The following SGCZ variants were observed in gnomAD, a reference collection of about 807,000 sequenced individuals.
SGCZ encodes the protein sarcoglycan zeta, also known as zeta-sarcoglycan.
Under a neutral mutation model 41.3 loss-of-function variants are expected in SGCZ, and 40 were observed. The ratio of observed to expected loss-of-function variants is 0.97; its 90% CI spans 0.75 to 1.26. The LOEUF (loss-of-function observed/expected upper bound fraction) is 1.26, where lower values mean the gene tolerates loss of function less well. SGCZ is among the 50% of genes most tolerant of loss of function. The pLI is 0.00. For missense variants in SGCZ, 552 were observed against 369.8 expected (o/e 1.49, Z -4.04); for synonymous variants, 206 against 137.5 (o/e 1.50, Z -3.49).
intron 1 of SGCZ, among the ~76,000 whole-genome samples, chr8:14,896,220 G>A (rs1805193792): frequency 1.3e-5 from 2 of 152,082 alleles, no homozygotes; most frequent in African/African-American, 4.8e-5. Flanking sequence ...TCTCATCCGG[G>A]AAAGCTGACT....
chr8:14,190,378 T>C (rs977860591), intron 4 of SGCZ, among the ~76,000 whole-genome samples: 7 of 151,852 alleles, frequency 4.6e-5, no homozygotes, highest in Non-Finnish European at 1.0e-4. Flanking sequence ...TGTGTGTGTG[T>C]GTGTATATAT....
At chr8:14,223,611 G>C (rs1332437779) in intron 4 of SGCZ, among the ~76,000 whole-genome samples, 1 of 152,028 alleles carries the variant, frequency 6.6e-6, no homozygotes, top group Non-Finnish European at 1.5e-5. Flanking sequence ...TCAATGTCCT[G>C]TCAGTTATTT....
At chr8:15,126,592 G>T (rs185035919) in intron 1 of SGCZ, among the ~76,000 whole-genome samples, 3 of 152,264 alleles carry the variant, frequency 2.0e-5, no homozygotes, top group South Asian at 2.1e-4. Flanking sequence ...TAAATACAAG[G>T]TCTAGCAAGG....
At chr8:15,137,289 A>T (rs957461394) in intron 1 of SGCZ, among the ~76,000 whole-genome samples, 9 of 152,166 alleles carry the variant, frequency 5.9e-5, no homozygotes, top group African/African-American at 1.9e-4. Flanking sequence ...AAGATTTAAG[A>T]GGAAGCAGAG....
chr8:14,542,692 A>G (rs1038426802), intron 2 of SGCZ, among the ~76,000 whole-genome samples: 1 of 152,034 alleles, frequency 6.6e-6, no homozygotes, highest in African/African-American at 2.4e-5. Flanking sequence ...ACTTCTCTCC[A>G]TTAATTAGGA....
intron 1 of SGCZ, among the ~76,000 whole-genome samples, chr8:14,916,994 G>C (rs1799457421): frequency 6.6e-6 from 1 of 152,086 alleles, no homozygotes; most frequent in Admixed American, 6.6e-5. Context: ...ATATGACTTT[G>C]TATAAAGTAA....
chr8:15,199,959 T>C (rs973604862), intron 1 of SGCZ, among the ~76,000 whole-genome samples: 3 of 152,174 alleles, frequency 2.0e-5, no homozygotes, highest in South Asian at 2.1e-4. Flanking sequence ...GTAGGATTCA[T>C]AGGGAAGAAT....
At chr8:14,106,731 A>G (rs1309194295) in intron 6 of SGCZ, among the ~76,000 whole-genome samples, 2 of 152,224 alleles carry the variant, frequency 1.3e-5, no homozygotes, top group Non-Finnish European at 2.9e-5. Flanking sequence ...GCTTCCCAAG[A>G]CACCAACTGT....
intron 5 of SGCZ, among the ~76,000 whole-genome samples, chr8:14,152,074 G>A (rs1008269251): frequency 2.0e-4 from 30 of 151,900 alleles, no homozygotes; most frequent in African/African-American, 7.3e-4. Context: ...TAAAAAAATA[G>A]GCATTGGATC....
At chr8:14,237,418 G>A (rs897783686) in intron 4 of SGCZ, among the ~76,000 whole-genome samples, 174 bp downstream of exon 4, 2 of 151,758 alleles carry the variant, frequency 1.3e-5, no homozygotes, top group African/African-American at 2.4e-5. Context: ...GCTTGACCTC[G>A]TGATCTGCCC....
At chr8:14,205,645 G>C (rs1445211902) in intron 4 of SGCZ, among the ~76,000 whole-genome samples, 1 of 151,996 alleles carries the variant, frequency 6.6e-6, no homozygotes, top group Non-Finnish European at 1.5e-5. Context: ...GCAAACCTTT[G>C]TTTGGGGTTT....
At chr8:14,445,625 C>T (rs1047903612) in intron 2 of SGCZ, among the ~76,000 whole-genome samples, 1 of 152,134 alleles carries the variant, frequency 6.6e-6, no homozygotes, top group Non-Finnish European at 1.5e-5. Context: ...TTGAGAATCC[C>T]ATGCCACCTC....
At chr8:14,934,042 A>AATAGCCAATAATTAATAAGAATTC (rs1353793073) in intron 1 of SGCZ, among the ~76,000 whole-genome samples, 25 of 152,134 alleles carry the variant, frequency 1.6e-4, no homozygotes, top group African/African-American at 6.0e-4. Context: ...TTCCCTAAAA[A>AATAGCCAATAATTAATAAGAATTC]ATAGCCAATA....
intron 1 of SGCZ, among the ~76,000 whole-genome samples, chr8:15,174,245 A>C (rs577598812): frequency 2.0e-4 from 30 of 152,330 alleles, no homozygotes; most frequent in African/African-American, 7.0e-4. Flanking sequence ...CATGTAGGGT[A>C]GGTGATGTAA....
chr8:15,087,713 T>G (rs900805257), intron 1 of SGCZ, among the ~76,000 whole-genome samples: 2 of 152,154 alleles, frequency 1.3e-5, no homozygotes, highest in East Asian at 3.9e-4. Context: ...CCTTTTTATG[T>G]GGGTTCAGCT....
chr8:14,974,391 A>G lies in SGCZ; in HGVS notation c.39+263194T>C, dbSNP rs183743836. ...GAATCACATAGAACATACAACTGGG[A>G]ACTTGAAATTAGCATGTGATACCTG... is the stretch of plus-strand genomic sequence containing the variant. On this transcript the variant is annotated intron_variant, in intron 1 of 7. Transcript: ENST00000382080. 1.4e-3 allele frequency among the ~76,000 whole-genome samples: 213 copies of G among 152,290 alleles called. 3 individuals carry two copies. The highest frequency in any genetic ancestry group is 5.0e-3 in the African/African-American group (208 of 41,560).
chr8:14,954,121 G>A (rs1204230572), intron 1 of SGCZ, among the ~76,000 whole-genome samples: 4 of 152,144 alleles, frequency 2.6e-5, no homozygotes, highest in Non-Finnish European at 1.5e-5. Flanking sequence ...CATTCTATCA[G>A]ATAGATGCAT....
At chr8:14,292,718 G>C (rs1026286156) in intron 3 of SGCZ, among the ~76,000 whole-genome samples, 1 of 151,890 alleles carries the variant, frequency 6.6e-6, no homozygotes, top group South Asian at 2.1e-4. Flanking sequence ...CATTAGACAG[G>C]TTCTTTTATA....
intron 1 of SGCZ, among the ~76,000 whole-genome samples, chr8:14,710,454 T>C (rs1292049579): frequency 1.3e-5 from 2 of 151,894 alleles, no homozygotes; most frequent in Admixed American, 1.3e-4. Context: ...AATTAAAACT[T>C]ATATTTTCAG....
Sources: allele counts gnomAD v4.1 joint callset (sites outside exome capture counted in the v4.1 genomes callset), GRCh38; gene constraint gnomAD v4.1.1; transcripts MANE v1.5; gene names NCBI Gene and HGNC (gene_info 2026-07-23, HGNC 2026-07-21).